The following HECW1 variants were observed in gnomAD, a reference collection of about 807,000 sequenced individuals.
HECW1 encodes E3 ubiquitin-protein ligase HECW1.
A neutral mutation model predicts 182.3 loss-of-function variants in HECW1; 61 were observed. That is an observed-to-expected ratio of 0.33 (90% CI 0.27 to 0.41). The LOEUF is 0.41. Ranked by LOEUF, HECW1 falls within the 10% of genes least tolerant of loss-of-function variation. HECW1 has a pLI of 1.00. For missense variants in HECW1, 1,739 were observed against 2,108.9 expected (o/e 0.82, Z 3.44); for synonymous variants, 859 against 832.6 (o/e 1.03, Z -0.55).
At chr7:43,345,920 G>A (rs13247140) in intron 5 of HECW1, among the ~76,000 whole-genome samples, 31,650 of 151,770 alleles carry the variant, frequency 0.21, 3,637 homozygotes, top group Non-Finnish European at 0.26. Flanking sequence ...TTGCTTGCAC[G>A]ATTTTGCAAT....
intron 24 of HECW1, among the ~76,000 whole-genome samples, chr7:43,520,659 A>T (rs538471617): frequency 1.3e-4 from 20 of 150,666 alleles, no homozygotes; most frequent in South Asian, 4.2e-4. Flanking sequence ...GGTTTTTTTT[A>T]AAAAAAACAC....
intron 16 of HECW1, among the ~76,000 whole-genome samples, chr7:43,471,588 C>T (rs1223119563): frequency 1.3e-5 from 2 of 152,186 alleles, no homozygotes; most frequent in Admixed American, 6.5e-5. Context: ...GCAAAGAACA[C>T]GCTGGCATCT....
chr7:43,214,830 G>A (rs934073282), intron 2 of HECW1, among the ~76,000 whole-genome samples: 7 of 152,216 alleles, frequency 4.6e-5, no homozygotes, highest in South Asian at 2.1e-4. Context: ...AACCATGTGG[G>A]GGCATGTTCT....
intron 8 of HECW1, among the ~76,000 whole-genome samples, chr7:43,410,130 C>A (rs1028585698): frequency 1.3e-5 from 2 of 152,138 alleles, no homozygotes; most frequent in Non-Finnish European, 2.9e-5. Flanking sequence ...AGGAAGAAAG[C>A]AACAGGCCAA....
chr7:43,440,585 G>A (rs879306022), intron 9 of HECW1: 8 of 152,158 alleles, frequency 5.3e-5, no homozygotes, highest in Admixed American at 2.6e-4. Flanking sequence ...TATTTGTTAA[G>A]TGGGTGAAAA....
chr7:43,298,545 C>T (rs956771898), intron 3 of HECW1, among the ~76,000 whole-genome samples: 1 of 152,108 alleles, frequency 6.6e-6, no homozygotes, highest in Non-Finnish European at 1.5e-5. Context: ...CTCTGATAAC[C>T]GATGGCAATG....
intron 19 of HECW1, among the ~76,000 whole-genome samples, chr7:43,494,325 C>T (rs1019791664): frequency 1.3e-5 from 2 of 152,024 alleles, no homozygotes; most frequent in African/African-American, 4.8e-5. Flanking sequence ...CTTCTCCCTG[C>T]CATGGTTCAA....
intron 10 of HECW1, among the ~76,000 whole-genome samples, chr7:43,442,924 C>T (rs2076934031): frequency 6.6e-6 from 1 of 152,190 alleles, no homozygotes; most frequent in African/African-American, 2.4e-5. Flanking sequence ...ATCCTACCCC[C>T]AGCACCCACA....
intron 26 of HECW1, among the ~76,000 whole-genome samples, chr7:43,547,366 G>C (rs187089739): frequency 2.0e-5 from 3 of 152,058 alleles, no homozygotes; most frequent in East Asian, 1.9e-4. Flanking sequence ...GGCCAACATA[G>C]TGAAACCCCA....
intron 24 of HECW1, among the ~76,000 whole-genome samples, chr7:43,533,101 T>C (rs1266411009): frequency 2.0e-5 from 3 of 152,034 alleles, no homozygotes; most frequent in African/African-American, 4.8e-5. Context: ...GGAGGTAGTT[T>C]GGGTTGTCCC....
chr7:43,346,616 T>C (rs1449738178), intron 5 of HECW1, among the ~76,000 whole-genome samples: 2 of 152,210 alleles, frequency 1.3e-5, no homozygotes, highest in African/African-American at 4.8e-5. Context: ...AGAATTTTTA[T>C]AGTTTCAGGT....
At chr7:43,383,842 A>G (rs927925693) in intron 6 of HECW1, among the ~76,000 whole-genome samples, 7 of 152,006 alleles carry the variant, frequency 4.6e-5, no homozygotes, top group Admixed American at 4.6e-4. Flanking sequence ...GTTGATTAAC[A>G]TATTTTATAT....
chr7:43,349,002 G>A (rs773455830), intron 5 of HECW1, among the ~76,000 whole-genome samples: 2 of 151,658 alleles, frequency 1.3e-5, no homozygotes, highest in East Asian at 3.9e-4. Context: ...TGAATGAAAT[G>A]TTCTTTTTTT....
intron 2 of HECW1, among the ~76,000 whole-genome samples, chr7:43,213,114 A>G (rs1583997537): frequency 6.6e-6 from 1 of 152,228 alleles, no homozygotes; most frequent in Non-Finnish European, 1.5e-5. Context: ...AGCAGGTGTA[A>G]TTCTCCATCA....
intron 5 of HECW1, among the ~76,000 whole-genome samples, chr7:43,344,586 T>C (rs1468153893): frequency 6.6e-6 from 1 of 152,156 alleles, no homozygotes; most frequent in Non-Finnish European, 1.5e-5. Flanking sequence ...ATCTATACCT[T>C]GATGTCTTTC....
intron 2 of HECW1, chr7:43,121,781 T>G (rs1035261279): frequency 3.9e-5 from 6 of 152,172 alleles, no homozygotes; most frequent in African/African-American, 1.4e-4. Context: ...ATTTGCTTAT[T>G]CTTCACTCTC....
At chr7:43,296,777 G>A (rs1208911066) in intron 3 of HECW1, among the ~76,000 whole-genome samples, 6 of 152,194 alleles carry the variant, frequency 3.9e-5, no homozygotes, top group African/African-American at 1.2e-4. Flanking sequence ...AGGGCCAGCC[G>A]TTCAGGGTGC....
At chr7:43,433,392 C>G (rs963033573) in intron 8 of HECW1, among the ~76,000 whole-genome samples, 4 of 152,226 alleles carry the variant, frequency 2.6e-5, no homozygotes, top group Non-Finnish European at 5.9e-5. Flanking sequence ...GTGCCCTGCT[C>G]TCTCAAGGGA....
intron 12 of HECW1, 98 bp downstream of exon 12, chr7:43,451,027 C>T (rs1365987148): frequency 3.6e-6 from 3 of 829,620 alleles, no homozygotes; most frequent in Non-Finnish European, 6.1e-6. Context: ...TCTTTCCCGA[C>T]TCCGTGCCTT....
Sources: allele counts gnomAD v4.1 joint callset (sites outside exome capture counted in the v4.1 genomes callset), GRCh38; gene constraint gnomAD v4.1.1; transcripts MANE v1.5; gene names NCBI Gene and HGNC (gene_info 2026-07-23, HGNC 2026-07-21).